Variants in ARHGAP42 observed in about 807,000 individuals in gnomAD.
The protein encoded by ARHGAP42 is Rho GTPase activating protein 42, also known as rho GTPase-activating protein 42.
ARHGAP42 carries 63 observed loss-of-function variants against 125.0 expected under a neutral mutation model. That is an observed-to-expected ratio of 0.50 (90% CI 0.41 to 0.62). ARHGAP42 has a LOEUF of 0.62. Among genes scored for constraint, ARHGAP42 ranks in the 20% least tolerant of loss-of-function variants. The pLI is 0.00. For missense variants in ARHGAP42, 766 were observed against 1,024.2 expected (o/e 0.75, Z 3.44); for synonymous variants, 339 against 351.0 (o/e 0.97, Z 0.38).
intron 5 of ARHGAP42, among the ~76,000 whole-genome samples, chr11:100,914,554 C>G (rs1867014047): frequency 6.6e-6 from 1 of 152,102 alleles, no homozygotes; most frequent in African/African-American, 2.4e-5. Context: ...AAGCAGCGCT[C>G]ATCTCTCCTC....
chr11:100,789,697 G>GC (rs1249535454), intron 2 of ARHGAP42, among the ~76,000 whole-genome samples: 8 of 152,316 alleles, frequency 5.3e-5, no homozygotes, highest in African/African-American at 1.7e-4. Context: ...GAGTCATGCT[G>GC]CACTGGAAGG....
intron 22 of ARHGAP42, 116 bp downstream of exon 22, chr11:100,979,165 T>A: frequency 1.0e-6 from 1 of 967,228 alleles, no homozygotes; most frequent in Non-Finnish European, 1.6e-6. Flanking sequence ...TGGTCAAATT[T>A]AAGTCCACTG....
chr11:100,935,421 G>A (rs771912384), intron 7 of ARHGAP42, among the ~76,000 whole-genome samples: 3 of 152,076 alleles, frequency 2.0e-5, no homozygotes, highest in Non-Finnish European at 4.4e-5. Flanking sequence ...TTCAAAAATA[G>A]CCTTTGGAAC....
intron 3 of ARHGAP42, among the ~76,000 whole-genome samples, chr11:100,837,663 ATCCTTTT>A (rs1341294926): frequency 0.13 from 4,451 of 35,232 alleles, 240 homozygotes; most frequent in African/African-American, 0.21. Flanking sequence ...TCTAGGTGTC[ATCCTTTT>A]TTTTTTTTTT....
intron 12 of ARHGAP42, among the ~76,000 whole-genome samples, chr11:100,954,786 G>C (rs1208905587): frequency 6.6e-6 from 1 of 152,124 alleles, no homozygotes; most frequent in East Asian, 1.9e-4. Flanking sequence ...GGGCTATGGA[G>C]AGTTAACTGC....
chr11:100,829,715 G>C (rs537363968), intron 3 of ARHGAP42, among the ~76,000 whole-genome samples: 1 of 152,120 alleles, frequency 6.6e-6, no homozygotes, highest in Non-Finnish European at 1.5e-5. Flanking sequence ...TCTGTTTACG[G>C]TTGTATGTTA....
At chr11:100,941,029 G>A (rs1867870950) in intron 8 of ARHGAP42, among the ~76,000 whole-genome samples, 2 of 152,140 alleles carry the variant, frequency 1.3e-5, no homozygotes, top group Non-Finnish European at 2.9e-5. Flanking sequence ...TAGATCTTAG[G>A]TATCTCTCCA....
intron 17 of ARHGAP42, among the ~76,000 whole-genome samples, chr11:100,966,755 G>A (rs1251433676): frequency 6.6e-5 from 10 of 151,914 alleles, no homozygotes; most frequent in Admixed American, 6.6e-4. Flanking sequence ...TAATTTGAAA[G>A]CTACAGAGAG....
chr11:100,738,506 A>G (rs1366068777), intron 1 of ARHGAP42: 1 of 152,234 alleles, frequency 6.6e-6, no homozygotes, highest in East Asian at 1.9e-4. Context: ...GAGGTAACTC[A>G]CTAATTCCAT....
chr11:100,977,078 C>A, intron 21 of ARHGAP42, 107 bp downstream of exon 21: 1 of 1,301,528 alleles, frequency 7.7e-7, no homozygotes, highest in Non-Finnish European at 1.0e-6. Context: ...ATTGGGAATA[C>A]TTTATCTGTA....
At chr11:100,804,320 T>G (rs1019058347) in intron 3 of ARHGAP42, among the ~76,000 whole-genome samples, 1 of 152,070 alleles carries the variant, frequency 6.6e-6, no homozygotes, top group Non-Finnish European at 1.5e-5. Flanking sequence ...ATAAAAGTAC[T>G]TCCCTGAAAT....
At chr11:100,926,479 G>A in intron 6 of ARHGAP42, among the ~76,000 whole-genome samples, 1 of 152,182 alleles carries the variant, frequency 6.6e-6, no homozygotes. Context: ...ATATAGTGTA[G>A]TTATATTAAT....
At chr11:100,867,977 G>A (rs1467754743) in intron 4 of ARHGAP42, among the ~76,000 whole-genome samples, 1 of 152,198 alleles carries the variant, frequency 6.6e-6, no homozygotes, top group African/African-American at 2.4e-5. Context: ...AACACATGCA[G>A]TATTTATCAA....
intron 1 of ARHGAP42, among the ~76,000 whole-genome samples, chr11:100,763,172 G>A (rs1179565694): frequency 1.3e-5 from 2 of 151,428 alleles, no homozygotes; most frequent in African/African-American, 2.4e-5. Context: ...GTAGAGATGA[G>A]GTTTCACCAT....
At chr11:100,778,910 C>T (rs1863198908) in intron 2 of ARHGAP42, among the ~76,000 whole-genome samples, 2 of 152,022 alleles carry the variant, frequency 1.3e-5, no homozygotes, top group African/African-American at 4.8e-5. Context: ...TTCTGCCCAA[C>T]AAAAAATAGC....
chr11:100,956,475 GA>G (rs1167227806), intron 12 of ARHGAP42, among the ~76,000 whole-genome samples: 1 of 152,134 alleles, frequency 6.6e-6, no homozygotes, highest in Non-Finnish European at 1.5e-5. Context: ...AAAGGAAAAA[GA>G]AAATTGCAAG....
intron 1 of ARHGAP42, among the ~76,000 whole-genome samples, chr11:100,740,704 TTGCTCCTGGCAGC>T (rs907562753): frequency 5.9e-5 from 9 of 152,156 alleles, no homozygotes; most frequent in Admixed American, 3.3e-4. Context: ...GGTAGGTACA[TTGCTCCTGGCAGC>T]TGCTCCTTCT....
intron 1 of ARHGAP42, among the ~76,000 whole-genome samples, chr11:100,760,633 G>A (rs772687873): frequency 1.3e-5 from 2 of 152,052 alleles, no homozygotes; most frequent in African/African-American, 2.4e-5. Context: ...CCCAGGAGGC[G>A]GAGGTTGCAG....
chr11:100,896,722 G>A (rs1323666158), intron 4 of ARHGAP42, among the ~76,000 whole-genome samples: 1 of 152,046 alleles, frequency 6.6e-6, no homozygotes, highest in East Asian at 1.9e-4. Context: ...TGAATTATTT[G>A]CAGATTCTAG....
Sources: gnomAD v4.1 joint callset for allele counts (sites outside exome capture counted in the v4.1 genomes callset) on GRCh38, gnomAD v4.1.1 for gene constraint, MANE v1.5 for transcripts, NCBI Gene and HGNC (gene_info 2026-07-23, HGNC 2026-07-21) for gene names.